Variants in AGTPBP1 observed in about 807,000 individuals in gnomAD.
AGTPBP1 encodes cytosolic carboxypeptidase 1.
Under a neutral mutation model 143.9 loss-of-function variants are expected in AGTPBP1, and 70 were observed. The ratio of observed to expected loss-of-function variants is 0.49; its 90% CI spans 0.40 to 0.59. The LOEUF (loss-of-function observed/expected upper bound fraction) is 0.59, where lower values mean the gene tolerates loss of function less well. Among genes scored for constraint, AGTPBP1 ranks in the 20% least tolerant of loss-of-function variants. The pLI is 0.00. For missense variants in AGTPBP1, 1,229 were observed against 1,464.5 expected, an observed-to-expected ratio of 0.84 and a Z score of 2.62; for synonymous variants, 463 against 500.2, an observed-to-expected ratio of 0.93 and a Z score of 0.99.
intron 17 of AGTPBP1, among the ~76,000 whole-genome samples, chr9:85,596,921 A>T (rs1829335405): frequency 6.6e-6 from 1 of 152,140 alleles, no homozygotes; most frequent in South Asian, 2.1e-4. Flanking sequence ...ACGAAGAGGG[A>T]CTCAAAAATA....
chr9:85,670,778 T>C (rs1834430696), intron 7 of AGTPBP1, among the ~76,000 whole-genome samples: 1 of 152,194 alleles, frequency 6.6e-6, no homozygotes, highest in African/African-American at 2.4e-5. Flanking sequence ...TCCAATAAAA[T>C]GCCACCAAAA....
chr9:85,655,123 C>A lies in AGTPBP1; in HGVS notation c.1087+20G>T. 1 of 1,563,506 alleles carries A rather than the reference C, an allele frequency of 6.4e-7. No individual in the cohort carries two copies. Among genetic ancestry groups the A allele is most frequent in the Non-Finnish European group, 8.6e-7 (1 of 1,156,240 alleles). The stretch of plus-strand genomic sequence containing the variant: ...AATTCTAAGAACCCACAAAAAGCAG[C>A]AGTGACCCTGTGATCCTACCTTCAG... On this transcript the variant is annotated intron_variant, in intron 11 of 25. Transcript: ENST00000357081.
At chr9:85,714,833 A>G (rs1489772261) in intron 1 of AGTPBP1, among the ~76,000 whole-genome samples, 1 of 152,218 alleles carries the variant, frequency 6.6e-6, no homozygotes, top group Non-Finnish European at 1.5e-5. Flanking sequence ...TATATGGTAT[A>G]TATCTGTTAA....
chr9:85,663,338 T>C (rs1833949151), intron 8 of AGTPBP1, among the ~76,000 whole-genome samples: 1 of 151,972 alleles, frequency 6.6e-6, no homozygotes, highest in South Asian at 2.1e-4. Flanking sequence ...ACACTGGAAA[T>C]CCTCATAACT....
chr9:85,605,592 C>T (rs1452037620), intron 17 of AGTPBP1, among the ~76,000 whole-genome samples: 1 of 151,954 alleles, frequency 6.6e-6, no homozygotes, highest in East Asian at 1.9e-4. Context: ...CAGAAATACA[C>T]AGAATATTAT....
chr9:85,578,178 C>T (rs1828014509), intron 24 of AGTPBP1, among the ~76,000 whole-genome samples: 1 of 152,138 alleles, frequency 6.6e-6, no homozygotes, highest in South Asian at 2.1e-4. Context: ...ATAATAAATC[C>T]AAAATCACCT....
Position 85,656,751 on chromosome 9 carries a change from G to A in AGTPBP1, c.909+684C>T, listed in dbSNP as rs149070601. On this transcript the variant is annotated intron_variant, in intron 10 of 25. Transcript: ENST00000357081. The stretch of plus-strand genomic sequence containing the variant: ...GGCAGATATAGCATTCCCAGTTCCA[G>A]GTTTCATTTTTGTACCTTCTCTATT... Among the ~76,000 whole-genome samples, 6 of 152,168 alleles carry A rather than the reference G, an allele frequency of 3.9e-5. 1 individual carries two copies. Among genetic ancestry groups the A allele is most frequent in the Non-Finnish European group, 7.4e-5 (5 of 68,000 alleles).
At chr9:85,737,184 T>G (rs1017777646) in intron 1 of AGTPBP1, among the ~76,000 whole-genome samples, 1 of 152,222 alleles carries the variant, frequency 6.6e-6, no homozygotes, top group Non-Finnish European at 1.5e-5. Context: ...TTATTAATTT[T>G]TATGCACCTT....
At chr9:85,570,878 G>A (rs1231602055) in intron 25 of AGTPBP1, among the ~76,000 whole-genome samples, 1 of 152,202 alleles carries the variant, frequency 6.6e-6, no homozygotes, top group Non-Finnish European at 1.5e-5. Context: ...AGAGAGCAGT[G>A]AGACAGAAGA....
chr9:85,635,961 C>A (rs972934811), intron 13 of AGTPBP1, among the ~76,000 whole-genome samples: 1 of 152,126 alleles, frequency 6.6e-6, no homozygotes, highest in Non-Finnish European at 1.5e-5. Flanking sequence ...GGATTCGCAG[C>A]CTGAATTCAT....
At chr9:85,746,828 T>C (rs1219521782), upstream of AGTPBP1, among the ~76,000 whole-genome samples, 1 of 152,118 alleles carries the variant, frequency 6.6e-6, no homozygotes, top group Admixed American at 6.5e-5. Flanking sequence ...CATTTCACTA[T>C]GTATATCAAA....
Position 85,619,244 on chromosome 9 carries a change from C to G in AGTPBP1, c.2157G>C (p.Gly719=). Residue 719 remains glycine, a synonymous_variant, in exon 16 of 26, where the codon GGG becomes GGC. Transcript: ENST00000357081. ...ILKFNSKFES[G]NLRKVIQIRK... The stretch of plus-strand genomic sequence containing the variant: ...TAATTTGAATTACTTTGCGCAGATT[C>G]CCAGACTCAAATTTGGAGTTAAATT... 6.2e-7 allele frequency: 1 copy of G among 1,613,210 alleles called. No homozygotes were observed. The highest frequency in any genetic ancestry group is 8.5e-7 in the Non-Finnish European group (1 of 1,179,620).
intron 11 of AGTPBP1, among the ~76,000 whole-genome samples, chr9:85,653,428 C>A (rs1418241373): frequency 6.6e-6 from 1 of 152,150 alleles, no homozygotes; most frequent in Non-Finnish European, 1.5e-5. Flanking sequence ...AATATAATTT[C>A]TTGTTTGTTC....
intron 3 of AGTPBP1, among the ~76,000 whole-genome samples, chr9:85,682,213 A>G (rs1835234586): frequency 7.0e-6 from 1 of 142,948 alleles, no homozygotes; most frequent in South Asian, 2.2e-4. Context: ...GATTATTTCT[A>G]TTAGGTGAAG....
chr9:85,623,966 G>A (rs937347915), intron 14 of AGTPBP1, among the ~76,000 whole-genome samples: 1 of 152,018 alleles, frequency 6.6e-6, no homozygotes, highest in African/African-American at 2.4e-5. Context: ...TGAAAGACTT[G>A]GCATGGAAAG....
At chr9:85,724,475 C>T (rs938184088) in intron 1 of AGTPBP1, among the ~76,000 whole-genome samples, 2 of 152,100 alleles carry the variant, frequency 1.3e-5, no homozygotes, top group African/African-American at 2.4e-5. Context: ...TTTCTATAAA[C>T]TTACAAATGC....
intron 6 of AGTPBP1, 46 bp downstream of exon 6, chr9:85,677,390 C>T: frequency 1.3e-6 from 2 of 1,549,864 alleles, no homozygotes; most frequent in Non-Finnish European, 1.7e-6. Context: ...ATCACTGTTA[C>T]AAAAATAGTT....
intron 2 of AGTPBP1, among the ~76,000 whole-genome samples, chr9:85,706,635 C>G (rs2134423686): frequency 6.6e-6 from 1 of 152,204 alleles, no homozygotes; most frequent in East Asian, 1.9e-4. Flanking sequence ...CTATGGGAGG[C>G]TGAGGCGGGC....
At chr9:85,625,292 A>C (rs1831199789) in intron 14 of AGTPBP1, among the ~76,000 whole-genome samples, 1 of 152,218 alleles carries the variant, frequency 6.6e-6, no homozygotes, top group Admixed American at 6.5e-5. Context: ...TCATACATGA[A>C]TTCTTTCAAT....
Sources: allele counts gnomAD v4.1 joint callset (sites outside exome capture counted in the v4.1 genomes callset), GRCh38; gene constraint gnomAD v4.1.1; transcripts MANE v1.5; gene names NCBI Gene and HGNC (gene_info 2026-07-23, HGNC 2026-07-21).